The following REEP1 variants were observed in gnomAD, a reference collection of about 807,000 sequenced individuals.
The protein encoded by REEP1 is receptor expression-enhancing protein 1.
In REEP1, 22 loss-of-function variants were observed where a neutral mutation model predicts 40.3. The observed-to-expected ratio is 0.55, with a 90% CI of 0.39 to 0.78. REEP1 has a LOEUF of 0.78. REEP1 is among the 30% of genes least tolerant of loss of function. REEP1 has a pLI of 0.00. For synonymous variants in REEP1, 116 were observed against 139.2 expected (o/e 0.83, Z 1.17); for missense variants, 280 against 361.1 (o/e 0.78, Z 1.82).
intron 1 of REEP1, among the ~76,000 whole-genome samples, chr2:86,330,516 C>A (rs897589006): frequency 2.6e-5 from 4 of 151,628 alleles, no homozygotes; most frequent in African/African-American, 9.7e-5. Flanking sequence ...ATGATCTCGG[C>A]TCACTGCAAC....
intron 3 of REEP1, among the ~76,000 whole-genome samples, chr2:86,256,739 G>T (rs771242238): frequency 6.6e-6 from 1 of 152,108 alleles, no homozygotes; most frequent in South Asian, 2.1e-4. Flanking sequence ...TTCTCCCTTC[G>T]TGACAATTAT....
At chr2:86,323,140 C>A (rs779267999) in intron 1 of REEP1, among the ~76,000 whole-genome samples, 3 of 152,138 alleles carry the variant, frequency 2.0e-5, no homozygotes, top group Non-Finnish European at 4.4e-5. Flanking sequence ...GAGGTCAAGA[C>A]TGCAGTGTGC....
chr2:86,302,114 C>A (rs1221622384), intron 1 of REEP1, among the ~76,000 whole-genome samples: 2 of 152,240 alleles, frequency 1.3e-5, no homozygotes, highest in African/African-American at 4.8e-5. Context: ...CCAAAGGTCA[C>A]CAAGCAGCTT....
intron 5 of REEP1, among the ~76,000 whole-genome samples, chr2:86,243,136 T>G (rs1675756693): frequency 6.6e-6 from 1 of 151,698 alleles, no homozygotes; most frequent in Non-Finnish European, 1.5e-5. Context: ...AGGGACAGGA[T>G]GAGATGGTGC....
rs1263930985 is a variant in REEP1 at position 86,257,979 on chromosome 2, T to C, written c.183-3165A>G. Among the ~76,000 whole-genome samples the C allele has an allele frequency of 4.6e-5, 7 of 152,138 alleles. No homozygotes were observed. In the East Asian group the frequency reaches 1.3e-3, roughly 29 times the overall value. On this transcript the variant is annotated intron_variant, in intron 3 of 8. Coordinates refer to ENST00000538924, the MANE Select transcript of REEP1 (RefSeq NM_001371279.1). ...GTATGAGCACCGGCTCAGGCCCCCA[T>C]GAATGGATATTTACGATGGTTATGA...
At chr2:86,284,080 G>C (rs1678250449) in intron 1 of REEP1, among the ~76,000 whole-genome samples, 1 of 152,110 alleles carries the variant, frequency 6.6e-6, no homozygotes, top group African/African-American at 2.4e-5. Flanking sequence ...GGCCAAGGGG[G>C]AGGTGGCTGG....
intron 1 of REEP1, among the ~76,000 whole-genome samples, chr2:86,284,136 C>T (rs1372496769): frequency 2.0e-5 from 3 of 152,026 alleles, no homozygotes; most frequent in Admixed American, 2.0e-4. Flanking sequence ...GAGGAAGGTC[C>T]CCACACTCCT....
intron 5 of REEP1, among the ~76,000 whole-genome samples, chr2:86,241,448 G>A (rs573412084): frequency 6.6e-6 from 1 of 152,310 alleles, no homozygotes; most frequent in South Asian, 2.1e-4. Flanking sequence ...CTCACCACAA[G>A]GCCAAGAGAG....
chr2:86,219,713 T>C (rs2103961721), intron 8 of REEP1, among the ~76,000 whole-genome samples: 1 of 152,324 alleles, frequency 6.6e-6, no homozygotes, highest in East Asian at 1.9e-4. Flanking sequence ...CCCAAAGTGC[T>C]GGGATTACAG....
intron 1 of REEP1, among the ~76,000 whole-genome samples, chr2:86,300,767 A>C (rs1679225243): frequency 6.6e-6 from 1 of 152,186 alleles, no homozygotes; most frequent in South Asian, 2.1e-4. Flanking sequence ...AACCAAAACC[A>C]AAAAAGCTTA....
At position 86,329,622 on chromosome 2, in the gene REEP1, T is replaced by A. The variant is rs913945548; in HGVS notation, c.32+7857A>T. The stretch of plus-strand genomic sequence containing the variant: ...TCTTTTCAATTCACAGGGGACATGA[T>A]GGCACCCTGTCTCCTGACTCAGCCC... On this transcript the variant is annotated intron_variant, in intron 1 of 8. Transcript: ENST00000538924. Among the ~76,000 whole-genome samples, 78 of 152,148 alleles carry A rather than the reference T, an allele frequency of 5.1e-4. 4 individuals carry two copies. The highest frequency in any genetic ancestry group is 1.5e-5 in the Non-Finnish European group (1 of 68,028).
intron 1 of REEP1, among the ~76,000 whole-genome samples, chr2:86,290,431 A>G (rs909274334): frequency 3.3e-5 from 5 of 152,016 alleles, no homozygotes; most frequent in African/African-American, 1.2e-4. Flanking sequence ...AATTTTACCA[A>G]TTTCACCACT....
intron 7 of REEP1, among the ~76,000 whole-genome samples, chr2:86,221,824 C>CG (rs1487801405): frequency 1.3e-5 from 2 of 152,112 alleles, no homozygotes; most frequent in Non-Finnish European, 2.9e-5. Flanking sequence ...CCCCATTAAC[C>CG]AAACCAGGAA....
intron 2 of REEP1, among the ~76,000 whole-genome samples, chr2:86,281,180 G>T (rs540653773): frequency 6.6e-6 from 1 of 151,892 alleles, no homozygotes. Flanking sequence ...CTCAGTCAGC[G>T]GTGGTCTAAT....
intron 1 of REEP1, among the ~76,000 whole-genome samples, chr2:86,310,024 C>T (rs1478559328): frequency 5.9e-5 from 9 of 152,150 alleles, no homozygotes; most frequent in Non-Finnish European, 1.5e-5. Flanking sequence ...ACCATGATCA[C>T]CAAGCATGTC....
At chr2:86,272,279 A>T (rs9309635) in intron 2 of REEP1, among the ~76,000 whole-genome samples, 1 of 152,066 alleles carries the variant, frequency 6.6e-6, no homozygotes, top group Non-Finnish European at 1.5e-5. Flanking sequence ...AAACTTCTCC[A>T]GTGAGTCATC....
chr2:86,304,812 T>C (rs1370866868), intron 1 of REEP1, among the ~76,000 whole-genome samples: 1 of 152,182 alleles, frequency 6.6e-6, no homozygotes, highest in East Asian at 1.9e-4. Context: ...TCTCAGATTT[T>C]TTTCCCCAGG....
chr2:86,258,527 G>T (rs1333726928), intron 3 of REEP1, among the ~76,000 whole-genome samples: 1 of 152,070 alleles, frequency 6.6e-6, no homozygotes, highest in Non-Finnish European at 1.5e-5. Context: ...AAGTGTAGGG[G>T]CGTGGGATGG....
Position 86,215,196 on chromosome 2 carries a change from G to T in REEP1, c.*1843C>A, listed in dbSNP as rs1383991633. On this transcript the variant is annotated 3_prime_UTR_variant, in exon 9 of 9. Coordinates refer to ENST00000538924, the MANE Select transcript of REEP1 (RefSeq NM_001371279.1). ...AGATTTAGGTATTGGTGGGTGTGGG[G>T]CACAGAACATGAGCAAACAGCTTCT... 1 of 152,042 alleles carries T rather than the reference G, an allele frequency of 6.6e-6. No individual in the cohort carries two copies. Among genetic ancestry groups the T allele is most frequent in the African/African-American group, 2.4e-5 (1 of 41,382 alleles). The allele number at this position is 152,042 out of a possible 1,614,324, so 9.4% of individuals were successfully genotyped here. A position where few individuals can be genotyped will look rare whatever the true frequency, so the allele number is the denominator to read the frequency against.
Sources: gnomAD v4.1 joint callset for allele counts (sites outside exome capture counted in the v4.1 genomes callset) on GRCh38, gnomAD v4.1.1 for gene constraint, MANE v1.5 for transcripts, NCBI Gene and HGNC (gene_info 2026-07-23, HGNC 2026-07-21) for gene names.